Variants in RTTN observed in about 807,000 individuals in gnomAD.
RTTN encodes the protein rotatin.
RTTN carries 182 observed loss-of-function variants against 269.2 expected under a neutral mutation model. The ratio of observed to expected loss-of-function variants is 0.68; its 90% CI spans 0.60 to 0.76. The LOEUF is 0.76. RTTN is among the 30% of genes least tolerant of loss of function. The pLI is 0.00. For synonymous variants in RTTN, 1,006 were observed against 963.5 expected, an observed-to-expected ratio of 1.04 and a Z score of -0.82; for missense variants, 2,545 against 2,608.6, an observed-to-expected ratio of 0.98 and a Z score of 0.53.
intron 18 of RTTN, among the ~76,000 whole-genome samples, chr18:70,144,596 C>T (rs2060340839): frequency 6.6e-6 from 1 of 152,238 alleles, no homozygotes; most frequent in South Asian, 2.1e-4. Context: ...ATTAGAATGC[C>T]CTCTCCCCGC....
intron 47 of RTTN, chr18:70,005,536 C>A: frequency 3.3e-6 from 1 of 305,080 alleles, no homozygotes; most frequent in Non-Finnish European, 6.0e-6. Context: ...CTCCCCTAAT[C>A]TCAATTTGCT....
In RTTN at chr18:70,204,095, T is replaced by G; in HGVS notation, c.388A>C (p.Asn130His). Residue 130 changes from asparagine to histidine, a missense_variant, in exon 3 of 49, where the codon AAT becomes CAT. Transcript: ENST00000640769. The part of the protein sequence containing the change: ...PALSSASYQT[N>H]QTELSKNPEI... Reference sequence around the variant, plus strand: ...GATTCCAAAGAGTTACCAGTTTGATTGGTTTGGTATGAGGCAGAAGATAGT... The same window carrying G: ...GATTCCAAAGAGTTACCAGTTTGATGGGTTTGGTATGAGGCAGAAGATAGT... The G allele has an allele frequency of 6.2e-7, 1 of 1,603,348 alleles. No homozygotes were observed. The highest frequency in any genetic ancestry group is 8.5e-7 in the Non-Finnish European group (1 of 1,174,074).
chr18:70,147,214 A>C (rs2060415713), intron 17 of RTTN, among the ~76,000 whole-genome samples: 1 of 152,208 alleles, frequency 6.6e-6, no homozygotes, highest in African/African-American at 2.4e-5. Flanking sequence ...TGTACTGCAT[A>C]ACAATGTTAC....
At chr18:70,021,682 T>C (rs1339123784) in intron 44 of RTTN, among the ~76,000 whole-genome samples, 2 of 152,214 alleles carry the variant, frequency 1.3e-5, no homozygotes, top group Non-Finnish European at 2.9e-5. Context: ...TGTACACATA[T>C]GCTTCAATGA....
intron 30 of RTTN, 34 bp from the exon 31 acceptor site, chr18:70,088,181 A>G (rs1255437017): frequency 6.4e-7 from 1 of 1,569,218 alleles, no homozygotes; most frequent in Non-Finnish European, 8.6e-7. Context: ...GTTGAATCAA[A>G]TAAGCCTTTT....
At chr18:70,068,826 C>T (rs958181412) in intron 34 of RTTN, among the ~76,000 whole-genome samples, 3 of 152,104 alleles carry the variant, frequency 2.0e-5, no homozygotes, top group African/African-American at 7.2e-5. Context: ...CATGACATAT[C>T]CTGAGATCTT....
At position 70,128,719 on chromosome 18, in the gene RTTN, CT is replaced by C. The variant is rs142593943; in HGVS notation, c.2955-174del. 8,138 of 570,594 alleles carry C rather than the reference CT, an allele frequency of 0.014. 97 individuals are homozygous for C. The highest frequency in any genetic ancestry group is 0.02 in the Non-Finnish European group (6,394 of 320,986). The allele number at this position is 570,594 out of a possible 1,614,324, so 35.3% of individuals were successfully genotyped here. ...TAATTTATACAGTATTTCAATTATT[CT>C]TTTCATCTCCTCTAAACTCCCCAGA... On this transcript the variant is annotated intron_variant, in intron 23 of 48. Transcript: ENST00000640769.
intron 5 of RTTN, 123 bp from the exon 6 acceptor site, chr18:70,197,861 G>C: frequency 4.7e-6 from 3 of 634,388 alleles, no homozygotes. Context: ...CACTTCTCCA[G>C]AAAAGCCTTC....
At chr18:70,090,380 C>T (rs958686307) in intron 30 of RTTN, among the ~76,000 whole-genome samples, 1 of 151,462 alleles carries the variant, frequency 6.6e-6, no homozygotes, top group Admixed American at 6.6e-5. Context: ...TAAACTAGAA[C>T]AATTACAACA....
At position 70,059,835 on chromosome 18, in the gene RTTN, G is replaced by A; in HGVS notation, c.4940+15C>T. 1 of 1,548,366 alleles carries A rather than the reference G, an allele frequency of 6.5e-7. No homozygotes were observed. The highest frequency in any genetic ancestry group is 8.8e-7 in the Non-Finnish European group (1 of 1,139,768). Reference sequence around the variant, plus strand: ...TCTCAACTAACATGCCTCTCTAGGAGTATTTATCTCTTACCTACAGAGAAG... The same window carrying A: ...TCTCAACTAACATGCCTCTCTAGGAATATTTATCTCTTACCTACAGAGAAG... On this transcript the variant is annotated intron_variant, in intron 36 of 48. Transcript: ENST00000640769.
chr18:70,185,346 G>A (rs1222574360), intron 10 of RTTN, among the ~76,000 whole-genome samples: 1 of 152,118 alleles, frequency 6.6e-6, no homozygotes, highest in East Asian at 1.9e-4. Context: ...CTAAGAAACT[G>A]AACCTCATCA....
intron 11 of RTTN, among the ~76,000 whole-genome samples, chr18:70,172,882 T>C (rs1349223201): frequency 2.0e-5 from 3 of 152,190 alleles, no homozygotes; most frequent in African/African-American, 7.2e-5. Context: ...CCATTTGCAA[T>C]ACTTAATAGC....
At chr18:70,135,445 T>C (rs1439183551) in intron 21 of RTTN, among the ~76,000 whole-genome samples, 165 bp from the exon 22 acceptor site, 1 of 152,180 alleles carries the variant, frequency 6.6e-6, no homozygotes, top group Non-Finnish European at 1.5e-5. Context: ...TGTACAAGAA[T>C]CACCTGGAAG....
intron 5 of RTTN, among the ~76,000 whole-genome samples, chr18:70,198,821 ATGGCCAATAAGAGAATC>A (rs1303882871): frequency 6.6e-6 from 1 of 152,206 alleles, no homozygotes; most frequent in Non-Finnish European, 1.5e-5. Flanking sequence ...GGCATAAGCA[ATGGCCAATAAGAGAATC>A]TGGCCAATAA....
At chr18:70,176,936 T>C (rs2061317950) in intron 10 of RTTN, 91 bp from the exon 11 acceptor site, 2 of 886,602 alleles carry the variant, frequency 2.3e-6, no homozygotes, top group Non-Finnish European at 3.3e-6. Context: ...TAAAATATTA[T>C]CATTTTCATT....
intron 18 of RTTN, among the ~76,000 whole-genome samples, chr18:70,144,052 G>C (rs1296449980): frequency 6.6e-6 from 1 of 151,802 alleles, no homozygotes; most frequent in African/African-American, 2.4e-5. Flanking sequence ...GTAGAGACAG[G>C]GTTTCACCAT....
At chr18:70,173,307 A>C (rs1009102586) in intron 11 of RTTN, among the ~76,000 whole-genome samples, 36 of 152,052 alleles carry the variant, frequency 2.4e-4, no homozygotes, top group African/African-American at 8.5e-4. Context: ...ATCCTGGCTA[A>C]CATGGTGAAA....
chr18:70,085,279 G>A (rs1179769126), intron 32 of RTTN, among the ~76,000 whole-genome samples: 1 of 152,106 alleles, frequency 6.6e-6, no homozygotes, highest in African/African-American at 2.4e-5. Flanking sequence ...TTATCAGAAG[G>A]CAATGTTAAA....
chr18:70,086,533 A>T (rs2145183652), intron 32 of RTTN, 80 bp downstream of exon 32: 3 of 1,092,128 alleles, frequency 2.7e-6, no homozygotes, highest in African/African-American at 1.6e-5. Context: ...TCAATAATGA[A>T]ATATACTACT....
Sources: gnomAD v4.1 joint callset for allele counts (sites outside exome capture counted in the v4.1 genomes callset) on GRCh38, gnomAD v4.1.1 for gene constraint, MANE v1.5 for transcripts, NCBI Gene and HGNC (gene_info 2026-07-23, HGNC 2026-07-21) for gene names.